RELN: variants seen among roughly 807,000 people sequenced by gnomAD.
RELN encodes reelin.
Under a neutral mutation model 427.6 loss-of-function variants are expected in RELN, and 108 were observed. That is an observed-to-expected ratio of 0.25 (90% CI 0.22 to 0.30). RELN has a LOEUF of 0.30. Among genes scored for constraint, RELN ranks in the 10% least tolerant of loss-of-function variants. The probability of loss-of-function intolerance (pLI) is 1.00; values close to 1 mark genes in which losing one functional copy is unlikely to be tolerated. For missense variants in RELN, 3,715 were observed against 4,302.8 expected, an observed-to-expected ratio of 0.86 and a Z score of 3.82; for synonymous variants, 1,524 against 1,513.4, an observed-to-expected ratio of 1.01 and a Z score of -0.16.
chr7:103,547,999 G>A (rs1830337066), intron 41 of RELN, among the ~76,000 whole-genome samples: 2 of 152,164 alleles, frequency 1.3e-5, no homozygotes, highest in Non-Finnish European at 2.9e-5. Flanking sequence ...TAAGCCAGTT[G>A]TATTCAAAAG....
At chr7:103,474,610 CA>C (rs935332829) in intron 64 of RELN, among the ~76,000 whole-genome samples, 5 of 151,914 alleles carry the variant, frequency 3.3e-5, no homozygotes, top group African/African-American at 1.2e-4. Context: ...AATTGAGTTA[CA>C]AAAAAACCCC....
At chr7:103,615,070 ACAGCCCACATCAG>A (rs1269051704) in intron 20 of RELN, among the ~76,000 whole-genome samples, 1 of 152,194 alleles carries the variant, frequency 6.6e-6, no homozygotes, top group Non-Finnish European at 1.5e-5. Flanking sequence ...ACAGAAAAGA[ACAGCCCACATCAG>A]CATTTTGGGG....
At chr7:103,672,099 C>G (rs533322741) in intron 11 of RELN, among the ~76,000 whole-genome samples, 11 of 151,982 alleles carry the variant, frequency 7.2e-5, no homozygotes, top group Non-Finnish European at 1.3e-4. Flanking sequence ...TAAACTGTTC[C>G]GAAGAGCTCT....
chr7:103,888,673 T>C (rs1175656427), intron 2 of RELN, among the ~76,000 whole-genome samples: 3 of 152,010 alleles, frequency 2.0e-5, no homozygotes, highest in Non-Finnish European at 2.9e-5. Context: ...GATACCCCCA[T>C]CTCCATCAAG....
chr7:103,478,389 C>G lies in RELN; in HGVS notation c.10286G>C (p.Ser3429Thr). 1.3e-6 allele frequency: 1 copy of G among 758,096 alleles called. No homozygotes were observed. Among genetic ancestry groups the G allele is most frequent in the Non-Finnish European group, 2.4e-6 (1 of 414,200 alleles). 47.0% of individuals were successfully genotyped at this position (758,096 alleles called of 1,614,324 possible). ...ALDHVEVVLV[S>T]TRKQNYMMNF... ...CCCAGATTTAGTAAGGAGGACTTAC[C>G]TTACTCTAGTGGAAAACCAATGACA... The change falls in exon 64 of 65, where the codon AGC (serine) becomes ACC (threonine). Residue 3429 changes from serine to threonine, a missense_variant and splice_region_variant. Transcript: ENST00000428762.
chr7:103,738,873 G>A (rs1342145951), intron 6 of RELN, among the ~76,000 whole-genome samples: 2 of 151,810 alleles, frequency 1.3e-5, no homozygotes, highest in African/African-American at 2.4e-5. Flanking sequence ...CATAGAGACA[G>A]GGTTTCACCA....
Position 103,670,628 on chromosome 7 carries a change from A to C in RELN, c.1290-9101T>G, listed in dbSNP as rs1012065. On this transcript the variant is annotated intron_variant, in intron 11 of 64. Transcript: ENST00000428762. ...AGAATGGGAATTAGCATGGGGGGGA[A>C]ATTTTAGACTTTTACTTTGCTCATT... Among the ~76,000 whole-genome samples the C allele has an allele frequency of 7.6e-4, 116 of 151,850 alleles. No individual in the cohort carries two copies. The South Asian group carries it at 0.012, about 15-fold the overall frequency.
At chr7:103,761,124 C>G (rs1791287937) in intron 4 of RELN, among the ~76,000 whole-genome samples, 1 of 152,156 alleles carries the variant, frequency 6.6e-6, no homozygotes, top group African/African-American at 2.4e-5. Context: ...GATTTTCCAC[C>G]TCAACTTGAT....
rs768515536 is a variant in RELN at position 103,635,391 on chromosome 7, C to G, written c.2465+34G>C. 11 of 1,609,712 alleles carry G rather than the reference C, an allele frequency of 6.8e-6. No individual in the cohort carries two copies. In the East Asian group the frequency reaches 2.5e-4, roughly 36 times the overall value. On this transcript the variant is annotated intron_variant, in intron 19 of 64. Transcript: ENST00000428762. ...GATTTCCCCAGGAGAAGATTTCACT[C>G]TACAACCATTTTTCCAAATGCTTTC...
In RELN at chr7:103,569,243, A is replaced by G. The variant is rs1213226962; in HGVS notation, c.4589-2484T>C. ...TGAAACCTCTTGCCAACAGCAGAGA[A>G]GAACTAAAGGCTTTTGCCAACAGCC... is the stretch of plus-strand genomic sequence containing the variant. On this transcript the variant is annotated intron_variant, in intron 31 of 64. Transcript: ENST00000428762. The surrounding 1 kb of genome is among the most constrained non-coding windows in gnomAD (Gnocchi z 4.0). Among the ~76,000 whole-genome samples, 1 of 152,228 alleles carries G rather than the reference A, an allele frequency of 6.6e-6. No individual in the cohort carries two copies. Among genetic ancestry groups the G allele is most frequent in the African/African-American group, 2.4e-5 (1 of 41,458 alleles).
intron 22 of RELN, among the ~76,000 whole-genome samples, chr7:103,609,250 C>T (rs1237169224): frequency 6.7e-6 from 1 of 149,264 alleles, no homozygotes; most frequent in African/African-American, 2.5e-5. Context: ...AATACACTAT[C>T]AGTAGTATTT....
chr7:103,896,203 T>G (rs1794956393), intron 2 of RELN, among the ~76,000 whole-genome samples: 1 of 152,076 alleles, frequency 6.6e-6, no homozygotes. Flanking sequence ...GCAGAGCAAT[T>G]GCAACTCTAA....
chr7:103,691,555 G>A (rs964701553), intron 10 of RELN, among the ~76,000 whole-genome samples: 1 of 152,112 alleles, frequency 6.6e-6, no homozygotes, highest in Non-Finnish European at 1.5e-5. Flanking sequence ...GCTCACACCT[G>A]TAATCCCAGC....
chr7:103,724,981 T>G (rs476848), intron 7 of RELN, among the ~76,000 whole-genome samples: 19,722 of 152,032 alleles, frequency 0.13, 1,374 homozygotes, highest in Middle Eastern at 0.29. Context: ...TATTTGACAT[T>G]CTGAAAACAA....
intron 58 of RELN, among the ~76,000 whole-genome samples, chr7:103,491,276 AT>A (rs1324454067): frequency 6.6e-6 from 1 of 152,246 alleles, no homozygotes; most frequent in African/African-American, 2.4e-5. Flanking sequence ...GCTGATGCAT[AT>A]TCAGATCATT....
In RELN at chr7:103,522,168, C is replaced by T; in HGVS notation, c.7522G>A (p.Asp2508Asn). Residue 2508 changes from aspartate to asparagine, a missense_variant, in exon 48 of 65, where the codon GAT (aspartate) becomes AAT (asparagine). By Grantham distance (23) the Asp-to-Asn change is conservative (BLOSUM62 1). This residue lies in a region of RELN where 1,310 missense variants were observed against 1,643.0 expected (regional missense o/e 0.80). Coordinates refer to ENST00000428762, the MANE Select transcript of RELN (RefSeq NM_005045.4). Reference protein sequence around the residue: ...CDEQWGGLYCDDPETSLPTQL... With the variant: ...CDEQWGGLYCNDPETSLPTQL... The stretch of plus-strand genomic sequence containing the variant: ...GTTGGAAGAGAGGTCTCGGGGTCAT[C>T]ACAGTACAGGCCACCCCACTGTTCA... 1.2e-6 allele frequency: 2 copies of T among 1,614,082 alleles called. No individual in the cohort carries two copies. Among genetic ancestry groups the T allele is most frequent in the Non-Finnish European group, 1.7e-6 (2 of 1,180,018 alleles).
At chr7:103,792,813 A>G (rs1792200932) in intron 3 of RELN, among the ~76,000 whole-genome samples, 1 of 152,154 alleles carries the variant, frequency 6.6e-6, no homozygotes, top group Non-Finnish European at 1.5e-5. Flanking sequence ...GCTGTTATTA[A>G]AAAATAAAAT....
At position 103,545,117 on chromosome 7, in the gene RELN, A is replaced by C; in HGVS notation, c.6523+7T>G. 1 of 1,610,608 alleles carries C rather than the reference A, an allele frequency of 6.2e-7. No individual in the cohort carries two copies. The highest frequency in any genetic ancestry group is 1.1e-5 in the South Asian group (1 of 90,974). On this transcript the variant is annotated splice_region_variant and intron_variant, in intron 42 of 64. Transcript: ENST00000428762. ...AAGACTACATAGAATTTGTAAGAAA[A>C]GACTACCTTCGAAATCATCTTTGAG...
chr7:103,883,428 G>C (rs1037975512), intron 2 of RELN, among the ~76,000 whole-genome samples: 5 of 152,188 alleles, frequency 3.3e-5, no homozygotes. Flanking sequence ...AGAAGTTCTG[G>C]CCAGGGCCAT....
Sources: allele counts gnomAD v4.1 joint callset (sites outside exome capture counted in the v4.1 genomes callset), GRCh38; gene constraint gnomAD v4.1.1; regional missense constraint gnomAD v4.1.1; non-coding constraint Gnocchi (gnomAD v3.1); transcripts MANE v1.5; gene names NCBI Gene and HGNC (gene_info 2026-07-23, HGNC 2026-07-21).